IRAK4: variants seen among roughly 807,000 people sequenced by gnomAD.
IRAK4 encodes the protein interleukin-1 receptor-associated kinase 4.
In IRAK4, 44 loss-of-function variants were observed where a neutral mutation model predicts 51.8. That is an observed-to-expected ratio of 0.85 (90% CI 0.67 to 1.09). The LOEUF (loss-of-function observed/expected upper bound fraction) is 1.09. IRAK4 is among the 50% of genes least tolerant of loss of function. IRAK4 has a pLI of 0.00. For missense variants in IRAK4, 487 were observed against 538.0 expected (o/e 0.91, Z 0.94); for synonymous variants, 149 against 174.1 (o/e 0.86, Z 1.13).
At position 43,786,761 on chromosome 12, in the gene IRAK4, A is replaced by C; in HGVS notation, c.*46A>C. On this transcript the variant is annotated 3_prime_UTR_variant, in exon 12 of 12. Transcript: ENST00000613694. The stretch of plus-strand genomic sequence containing the variant: ...TTGACTTTTTATATACACCTATCTC[A>C]ACCATTTTTTTAACTGATTTTTTTC... The C allele has an allele frequency of 7.3e-6, 11 of 1,509,004 alleles. No individual in the cohort carries two copies. The highest frequency in any genetic ancestry group is 9.2e-6 in the Non-Finnish European group (10 of 1,088,812). The allele number at this position is 1,509,004 out of a possible 1,614,324, so 93.5% of individuals were successfully genotyped here.
intron 1 of IRAK4, among the ~76,000 whole-genome samples, chr12:43,760,558 C>A (rs1419646752): frequency 2.0e-5 from 3 of 152,226 alleles, no homozygotes; most frequent in Non-Finnish European, 4.4e-5. Context: ...TGCCTGTTCC[C>A]TCCTCTGCAG....
Position 43,778,285 on chromosome 12 carries a change from T to A in IRAK4, c.924T>A (p.Ile308=), listed in dbSNP as rs374532899. The A allele has an allele frequency of 3.9e-5, 61 of 1,584,136 alleles. No homozygotes were observed. The South Asian group carries it at 6.1e-4, about 16-fold the overall frequency. The change falls in exon 8 of 12, where the codon ATT becomes ATA. Residue 308 remains isoleucine (I), a synonymous_variant. Transcript: ENST00000613694. Reference sequence around the variant, plus strand: ...ATTTTCTACATGAAAATCATCATATTCATAGAGATATTAAAAGGTAAATGC... The same window carrying A: ...ATTTTCTACATGAAAATCATCATATACATAGAGATATTAAAAGGTAAATGC... ...GINFLHENHH[I]HRDIKSANIL...
chr12:43,765,888 C>G (rs143265585), intron 1 of IRAK4, among the ~76,000 whole-genome samples: 1 of 151,164 alleles, frequency 6.6e-6, no homozygotes, highest in Non-Finnish European at 1.5e-5. Flanking sequence ...TCTAATCGCT[C>G]ATCTCTAGTG....
rs1276684180 is a variant in IRAK4 at position 43,768,101 on chromosome 12, A to C, written c.-9-2A>C. 6.2e-7 allele frequency: 1 copy of C among 1,610,768 alleles called. No individual in the cohort carries two copies. The highest frequency in any genetic ancestry group is 1.3e-5 in the African/African-American group (1 of 74,856). On this transcript the variant is annotated splice_acceptor_variant, in intron 1 of 11. Coordinates refer to ENST00000613694, the MANE Select transcript of IRAK4 (RefSeq NM_016123.4). LOFTEE classifies it low-confidence loss of function (5UTR_SPLICE). Reference sequence around the variant, plus strand: ...TTTTAATGAGATTTTTCCATATTTTAGGAATAGAAGATGAACAAACCCATA... The same window carrying C: ...TTTTAATGAGATTTTTCCATATTTTCGGAATAGAAGATGAACAAACCCATA...
At chr12:43,765,757 A>G (rs1392167561) in intron 1 of IRAK4, among the ~76,000 whole-genome samples, 1 of 151,882 alleles carries the variant, frequency 6.6e-6, no homozygotes, top group African/African-American at 2.4e-5. Context: ...CCTCTCTCCT[A>G]AGCTCCAGAC....
At chr12:43,778,582 C>A (rs1249557611) in intron 8 of IRAK4, among the ~76,000 whole-genome samples, 1 of 152,036 alleles carries the variant, frequency 6.6e-6, no homozygotes, top group African/African-American at 2.4e-5. Flanking sequence ...TAGTTGTTTT[C>A]TTAGTTTATG....
At chr12:43,775,338 A>G (rs567569570) in intron 6 of IRAK4, among the ~76,000 whole-genome samples, 1 of 152,192 alleles carries the variant, frequency 6.6e-6, no homozygotes, top group Non-Finnish European at 1.5e-5. Context: ...TGCATGCAGG[A>G]CTTAATACGT....
At chr12:43,773,921 C>T in intron 5 of IRAK4, 44 bp from the exon 6 acceptor site, 5 of 1,275,278 alleles carry the variant, frequency 3.9e-6, no homozygotes, top group South Asian at 1.2e-5. Context: ...GCATTAGGAA[C>T]CTTAGAATTG....
At chr12:43,771,425 T>G in intron 3 of IRAK4, 60 bp downstream of exon 3, 2 of 1,543,380 alleles carry the variant, frequency 1.3e-6, no homozygotes, top group Non-Finnish European at 9.0e-7. Flanking sequence ...GGCAGAAATA[T>G]AAATGTTTCT....
intron 1 of IRAK4, among the ~76,000 whole-genome samples, chr12:43,761,829 T>A (rs1318427118): frequency 6.6e-6 from 1 of 152,218 alleles, no homozygotes; most frequent in Non-Finnish European, 1.5e-5. Context: ...TTTAATATAT[T>A]TCTCAATCAC....
Position 43,782,461 on chromosome 12 carries a change from C to T in IRAK4, c.1096C>T (p.Pro366Ser). ...APEALRGEIT[P>S]KSDIYSFGVV... ...AGAAGCTTTGCGTGGAGAAATAACA[C>T]CCAAATCTGATATTTACAGCTTTGG... Residue 366 changes from proline to serine, a missense_variant, in exon 9 of 12, where the codon CCC becomes TCC. Physicochemically the swap from Pro to Ser is moderately conservative, Grantham distance 74. Coordinates refer to ENST00000613694, the MANE Select transcript of IRAK4 (RefSeq NM_016123.4). 6.2e-7 allele frequency: 1 copy of T among 1,613,496 alleles called. No homozygotes were observed. Among genetic ancestry groups the T allele is most frequent in the Middle Eastern group, 1.6e-4 (1 of 6,062 alleles).
chr12:43,789,089 A>G lies in IRAK4; in HGVS notation c.*2374A>G, dbSNP rs892426318. The stretch of plus-strand genomic sequence containing the variant: ...TTATATTTTGCAATGTGAGAAAGAC[A>G]TTAGATTTGGGGGGCTGGGGGTAGA... On this transcript the variant is annotated 3_prime_UTR_variant, in exon 12 of 12. Coordinates refer to ENST00000613694, the MANE Select transcript of IRAK4 (RefSeq NM_016123.4). 8 of 152,234 alleles carry G rather than the reference A, an allele frequency of 5.3e-5. No homozygotes were observed. The highest frequency in any genetic ancestry group is 1.0e-4 in the Non-Finnish European group (7 of 68,078). 9.4% of individuals were successfully genotyped at this position (152,234 alleles called of 1,614,324 possible).
At chr12:43,778,393 C>CTAGA (rs1318753269) in intron 8 of IRAK4, 91 bp downstream of exon 8, 138 of 746,214 alleles carry the variant, frequency 1.8e-4, no homozygotes, top group Middle Eastern at 7.3e-4. Flanking sequence ...AGGTCTTAAC[C>CTAGA]TAGAGCATCT....
rs1282344655 is a variant in IRAK4 at position 43,789,100 on chromosome 12, G to A, written c.*2385G>A. 1.3e-5 allele frequency: 2 copies of A among 152,196 alleles called. No homozygotes were observed. The highest frequency in any genetic ancestry group is 2.9e-5 in the Non-Finnish European group (2 of 68,092). 9.4% of individuals were successfully genotyped at this position (152,196 alleles called of 1,614,324 possible). On this transcript the variant is annotated 3_prime_UTR_variant, in exon 12 of 12. Transcript: ENST00000613694. ...AATGTGAGAAAGACATTAGATTTGGGGGGCTGGGGGTAGAATGACATTGTT... is the reference window on the plus strand; with the variant it reads ...AATGTGAGAAAGACATTAGATTTGGAGGGCTGGGGGTAGAATGACATTGTT...
In IRAK4 at chr12:43,777,171, A is replaced by C. The variant is rs1941354017; in HGVS notation, c.717-459A>C. Among the ~76,000 whole-genome samples the C allele has an allele frequency of 3.3e-5, 5 of 152,346 alleles. No individual in the cohort carries two copies. In the South Asian group the frequency reaches 1.0e-3, roughly 32 times the overall value. On this transcript the variant is annotated intron_variant, in intron 6 of 11. Transcript: ENST00000613694. The stretch of plus-strand genomic sequence containing the variant: ...TTTGGGAGGCCAAAGTGGTAGGAGC[A>C]CTTGAGGCCAGCAGTTTGAGACCAG...
chr12:43,775,805 TA>T (rs1941206936), intron 6 of IRAK4, among the ~76,000 whole-genome samples: 4 of 151,620 alleles, frequency 2.6e-5, no homozygotes, highest in African/African-American at 7.3e-5. Context: ...GCTTTTGAGA[TA>T]AGTTACTACC....
Position 43,788,322 on chromosome 12 carries a change from A to T in IRAK4, c.*1607A>T, listed in dbSNP as rs553037446. On this transcript the variant is annotated 3_prime_UTR_variant, in exon 12 of 12. Transcript: ENST00000613694. ...CAGCAGGACACTGCCTAGTAGAGCT[A>T]TGGGAAGGGTGCTGCCACCCTCCAG... 23 of 152,298 alleles carry T rather than the reference A, an allele frequency of 1.5e-4. No individual in the cohort carries two copies. The highest frequency in any genetic ancestry group is 9.2e-4 in the Admixed American group (14 of 15,294). 9.4% of individuals were successfully genotyped at this position (152,298 alleles called of 1,614,324 possible).
At chr12:43,786,051 T>C (rs1017906248) in intron 10 of IRAK4, among the ~76,000 whole-genome samples, 10 of 151,758 alleles carry the variant, frequency 6.6e-5, no homozygotes, top group Non-Finnish European at 4.4e-5. Context: ...TTTTTTTTTT[T>C]TTTTTGAGAC....
At position 43,788,986 on chromosome 12, in the gene IRAK4, G is replaced by A. The variant is rs1057278340; in HGVS notation, c.*2271G>A. The A allele has an allele frequency of 5.9e-5, 9 of 152,162 alleles. No individual in the cohort carries two copies. Among genetic ancestry groups the A allele is most frequent in the Admixed American group, 3.9e-4 (6 of 15,276 alleles). 9.4% of individuals were successfully genotyped at this position (152,162 alleles called of 1,614,324 possible). On this transcript the variant is annotated 3_prime_UTR_variant, in exon 12 of 12. Transcript: ENST00000613694. ...TATTTCAGAGGCTCATAGGCGGCAGGAACTTACCTTGAGTCTCAAATGAGA... is the reference window on the plus strand; with the variant it reads ...TATTTCAGAGGCTCATAGGCGGCAGAAACTTACCTTGAGTCTCAAATGAGA...
Sources: gnomAD v4.1 joint callset for allele counts (sites outside exome capture counted in the v4.1 genomes callset) on GRCh38, gnomAD v4.1.1 for gene constraint, MANE v1.5 for transcripts, NCBI Gene and HGNC (gene_info 2026-07-23, HGNC 2026-07-21) for gene names.